Variants in SH3BP1 observed in about 807,000 individuals in gnomAD.
The protein encoded by SH3BP1 is SH3 domain-binding protein 1.
In SH3BP1, 46 loss-of-function variants were observed where a neutral mutation model predicts 69.8. The ratio of observed to expected loss-of-function variants is 0.66; its 90% CI spans 0.52 to 0.84. SH3BP1 has a LOEUF of 0.84. Among genes scored for constraint, SH3BP1 ranks in the 40% least tolerant of loss-of-function variants. SH3BP1 has a pLI of 0.00. For synonymous variants in SH3BP1, 403 were observed against 378.0 expected (o/e 1.07, Z -0.77); for missense variants, 868 against 930.9 (o/e 0.93, Z 0.88).
chr22:37,639,807 A>G lies in SH3BP1; in HGVS notation c.20A>G (p.His7Arg). The G allele has an allele frequency of 6.4e-7, 1 of 1,568,322 alleles. No homozygotes were observed. Among genetic ancestry groups the G allele is most frequent in the Non-Finnish European group, 8.6e-7 (1 of 1,159,392 alleles). Residue 7 changes from histidine (H) to arginine (R), a missense_variant, in exon 1 of 18, where the codon CAC (histidine) becomes CGC (arginine). Transcript: ENST00000649765. ...CCCAAGATGATGAAGAGGCAGCTGC[A>G]CCGCATGCGGCAGCTGGCCCAGACG... MMKRQLHRMRQLAQTGS... is the reference protein window; with the variant it reads MMKRQLRRMRQLAQTGS...
rs1390896521 is a variant in SH3BP1 at position 37,648,614 on chromosome 22, GGA to G, written c.1316+185_1316+186del. 60 of 576,128 alleles carry G rather than the reference GGA, an allele frequency of 1.0e-4. No individual in the cohort carries two copies. In the East Asian group the frequency reaches 1.6e-3, roughly 16 times the overall value. The allele number at this position is 576,128 out of a possible 1,614,324, so 35.7% of individuals were successfully genotyped here. A position where few individuals can be genotyped will look rare whatever the true frequency, so the allele number is the denominator to read the frequency against. On this transcript the variant is annotated intron_variant, in intron 14 of 17. Transcript: ENST00000649765. ...GGGGCTGTGCAGGCCACAGGGCTTTGGAGAGAGGCAATTCTGGCATTTTGGCC... is the reference window on the plus strand; with the variant it reads ...GGGGCTGTGCAGGCCACAGGGCTTTGGAGAGGCAATTCTGGCATTTTGGCC...
chr22:37,645,812 G>A (rs1258124164), intron 10 of SH3BP1, among the ~76,000 whole-genome samples: 2 of 152,124 alleles, frequency 1.3e-5, no homozygotes, highest in South Asian at 2.1e-4. Context: ...TCTCAAACCA[G>A]GGGCTCCACT....
rs759180164 is a variant in SH3BP1 at position 37,645,357 on chromosome 22, C to T, written c.779-8C>T. The T allele has an allele frequency of 2.5e-6, 4 of 1,599,886 alleles. No individual in the cohort carries two copies. In the South Asian group the frequency reaches 4.4e-5, roughly 18 times the overall value. On this transcript the variant is annotated splice_polypyrimidine_tract_variant and splice_region_variant and intron_variant, in intron 9 of 17. Coordinates refer to ENST00000649765, the MANE Select transcript of SH3BP1 (RefSeq NM_018957.6). ...GCCCTGGGCCGCTGATCTGTTTCAT[C>T]CCTGCAGACCACTCCCCTTCGATGA...
intron 16 of SH3BP1, among the ~76,000 whole-genome samples, chr22:37,651,317 A>C (rs1432880122): frequency 8.7e-5 from 13 of 149,230 alleles, no homozygotes. Context: ...TACAAGTGTA[A>C]GCCACTGCAC....
chr22:37,655,531 C>T lies in SH3BP1; in HGVS notation c.1953C>T (p.Ser651=). The stretch of plus-strand genomic sequence containing the variant: ...GCCCGGCCTCCCCAGGTCCAGCCTC[C>T]CCCAGCCCAGTCTCTTTGAGTAACC... ...SPSPASPGPA[S]PSPVSLSNPA... is the part of the protein sequence containing the mutation. Residue 651 remains serine, a synonymous_variant, in exon 18 of 18, where the codon TCC becomes TCT. Transcript: ENST00000649765. 6.3e-7 allele frequency: 1 copy of T among 1,590,030 alleles called. No individual in the cohort carries two copies. The highest frequency in any genetic ancestry group is 8.5e-7 in the Non-Finnish European group (1 of 1,169,742).
chr22:37,648,700 C>CTTTTT (rs993648456), intron 14 of SH3BP1: 13 of 158,004 alleles, frequency 8.2e-5, no homozygotes, highest in South Asian at 3.7e-4. Flanking sequence ...AGATCGGGTT[C>CTTTTT]TTTTTTTTTT....
chr22:37,643,094 C>T lies in SH3BP1; in HGVS notation c.397-4C>T, dbSNP rs550037996. 61 of 1,611,024 alleles carry T rather than the reference C, an allele frequency of 3.8e-5. No individual in the cohort carries two copies. In the Admixed American group the frequency reaches 9.9e-4, roughly 26 times the overall value. On this transcript the variant is annotated splice_region_variant and splice_polypyrimidine_tract_variant and intron_variant, in intron 5 of 17. Coordinates refer to ENST00000649765, the MANE Select transcript of SH3BP1 (RefSeq NM_018957.6). ...CACACTGACCCCCCCATGCCCATCC[C>T]CAGGAGGAGCTGCCAGCCATCCTCA...
At chr22:37,649,940 G>A in intron 14 of SH3BP1, 1 of 672,762 alleles carries the variant, frequency 1.5e-6, no homozygotes, top group Non-Finnish European at 2.8e-6. Flanking sequence ...GAGGAAAAGG[G>A]TCCTTGATTA....
At chr22:37,641,045 G>A (rs911255621) in intron 1 of SH3BP1, 81 bp from the exon 2 acceptor site, 12 of 966,780 alleles carry the variant, frequency 1.2e-5, no homozygotes, top group Non-Finnish European at 1.1e-5. Context: ...GCCCTGCTGC[G>A]GGGAAGGGAA....
chr22:37,650,588 G>A lies in SH3BP1; in HGVS notation c.1461G>A (p.Gln487=), dbSNP rs1932858881. ...VSGLFSAVTL[Q]DTVSDRLASE... is the part of the protein sequence containing the mutation. ...GCCTCTTCTCAGCTGTTACCCTCCA[G>A]GACACAGTCAGTGACAGGCTGGCCT... The change falls in exon 16 of 18, where the codon CAG becomes CAA. Residue 487 remains glutamine (Q), a synonymous_variant. Coordinates refer to ENST00000649765, the MANE Select transcript of SH3BP1 (RefSeq NM_018957.6). The A allele has an allele frequency of 6.2e-7, 1 of 1,613,914 alleles. No individual in the cohort carries two copies. The highest frequency in any genetic ancestry group is 8.5e-7 in the Non-Finnish European group (1 of 1,180,018).
At chr22:37,648,693 T>G in intron 14 of SH3BP1, 1 of 343,770 alleles carries the variant, frequency 2.9e-6, no homozygotes, top group Non-Finnish European at 5.3e-6. Flanking sequence ...AGCCCAGAGA[T>G]CGGGTTCTTT....
chr22:37,648,690 A>T, intron 14 of SH3BP1: 4 of 335,832 alleles, frequency 1.2e-5, no homozygotes, highest in East Asian at 5.1e-5. Context: ...GGGAGCCCAG[A>T]GATCGGGTTC....
intron 14 of SH3BP1, chr22:37,648,792 C>T: frequency 5.1e-6 from 1 of 196,926 alleles, no homozygotes; most frequent in East Asian, 1.3e-4. Context: ...CAACCTCCGC[C>T]TCCCGGGTTC....
chr22:37,642,413 T>C, intron 3 of SH3BP1, 126 bp from the exon 4 acceptor site: 1 of 820,030 alleles, frequency 1.2e-6, no homozygotes, highest in Non-Finnish European at 2.0e-6. Flanking sequence ...TCATCTTGTT[T>C]CCACTCTCAT....
At chr22:37,652,991 G>T (rs1433373278) in intron 16 of SH3BP1, among the ~76,000 whole-genome samples, 1 of 151,886 alleles carries the variant, frequency 6.6e-6, no homozygotes, top group East Asian at 1.9e-4. Flanking sequence ...CAAAAAATTA[G>T]CAGGGCATGG....
intron 14 of SH3BP1, among the ~76,000 whole-genome samples, chr22:37,649,323 A>G (rs1322076514): frequency 6.6e-6 from 1 of 152,056 alleles, no homozygotes; most frequent in Non-Finnish European, 1.5e-5. Context: ...CCCTGTCTCT[A>G]CAAAAAATTA....
chr22:37,641,103 C>G lies in SH3BP1; in HGVS notation c.60-23C>G, dbSNP rs766042769. The G allele has an allele frequency of 1.0e-4, 129 of 1,253,928 alleles. 6 individuals are homozygous for G. Among genetic ancestry groups the G allele is most frequent in the Middle Eastern group, 4.3e-4 (2 of 4,648 alleles). The allele number at this position is 1,253,928 out of a possible 1,614,324, so 77.7% of individuals were successfully genotyped here. A position where few individuals can be genotyped will look rare whatever the true frequency, so the allele number is the denominator to read the frequency against. On this transcript the variant is annotated intron_variant, in intron 1 of 17. Transcript: ENST00000649765. ...CAGGCTCAGCAGAAGCACTCTCCCC[C>G]CCCCCCCCACCACTCCCCGCAGCAC...
At position 37,644,712 on chromosome 22, in the gene SH3BP1, C is replaced by T. The variant is rs1932751435; in HGVS notation, c.687+7C>T. 7.4e-6 allele frequency: 12 copies of T among 1,614,168 alleles called. No homozygotes were observed. The East Asian group carries it at 2.7e-4, about 36-fold the overall frequency. On this transcript the variant is annotated splice_region_variant and intron_variant, in intron 8 of 17. Coordinates refer to ENST00000649765, the MANE Select transcript of SH3BP1 (RefSeq NM_018957.6). ...TGCCAACTACTTCATTCGTGTGAGT[C>T]CAAGACCGGGCCCCAGCCATCCAGA...
At chr22:37,650,888 C>T (rs1231970472) in intron 16 of SH3BP1, 163 bp downstream of exon 16, 1 of 901,904 alleles carries the variant, frequency 1.1e-6, no homozygotes, top group Non-Finnish European at 1.6e-6. Flanking sequence ...GGCAGAGACT[C>T]AGAGGCGGAA....
Sources: allele counts gnomAD v4.1 joint callset (sites outside exome capture counted in the v4.1 genomes callset), GRCh38; gene constraint gnomAD v4.1.1; transcripts MANE v1.5; gene names NCBI Gene and HGNC (gene_info 2026-07-23, HGNC 2026-07-21).